ROBO2: variants seen among roughly 807,000 people sequenced by gnomAD.
ROBO2 encodes the protein roundabout homolog 2.
Under a neutral mutation model 160.8 loss-of-function variants are expected in ROBO2, and 53 were observed. The observed-to-expected ratio is 0.33, with a 90% CI of 0.26 to 0.41. ROBO2 has a LOEUF of 0.41. Among genes scored for constraint, ROBO2 ranks in the 10% least tolerant of loss-of-function variants. The pLI is 1.00. For missense variants in ROBO2, 1,577 were observed against 1,722.4 expected (o/e 0.92, Z 1.49); for synonymous variants, 664 against 611.7 (o/e 1.09, Z -1.26).
chr3:77,334,191 A>T (rs2066257545), intron 2 of ROBO2, among the ~76,000 whole-genome samples: 1 of 152,210 alleles, frequency 6.6e-6, no homozygotes, highest in African/African-American at 2.4e-5. Flanking sequence ...TGGATTAGGT[A>T]GTAGCCAAAG....
At chr3:76,099,063 A>G (rs183890996) in intron 2 of ROBO2, among the ~76,000 whole-genome samples, 1 of 152,304 alleles carries the variant, frequency 6.6e-6, no homozygotes, top group Non-Finnish European at 1.5e-5. Context: ...CCAGTAAAGT[A>G]AAATGATATG....
intron 2 of ROBO2, among the ~76,000 whole-genome samples, chr3:77,266,491 C>T (rs1418160739): frequency 6.6e-6 from 1 of 152,102 alleles, no homozygotes; most frequent in African/African-American, 2.4e-5. Context: ...GTTAAAGTAG[C>T]TGAGGAATAG....
At chr3:76,255,434 T>C (rs1706293493) in intron 2 of ROBO2, among the ~76,000 whole-genome samples, 1 of 152,098 alleles carries the variant, frequency 6.6e-6, no homozygotes, top group African/African-American at 2.4e-5. Context: ...TGACACTTGC[T>C]CTGCTCTTTT....
chr3:76,204,314 T>C (rs1702697890), intron 2 of ROBO2, among the ~76,000 whole-genome samples: 1 of 152,208 alleles, frequency 6.6e-6, no homozygotes, highest in Non-Finnish European at 1.5e-5. Flanking sequence ...GTCAAGACTT[T>C]ATTACCGCGA....
intron 2 of ROBO2, among the ~76,000 whole-genome samples, chr3:77,159,612 A>G (rs933473509): frequency 1.3e-4 from 20 of 152,160 alleles, no homozygotes; most frequent in Admixed American, 6.5e-4. Context: ...AAAATAAAAT[A>G]TATCTCTACC....
chr3:77,443,344 T>A (rs1260909062), intron 2 of ROBO2, among the ~76,000 whole-genome samples: 4 of 152,060 alleles, frequency 2.6e-5, no homozygotes, highest in African/African-American at 9.7e-5. Flanking sequence ...AAATTCAGCT[T>A]AACATGGATT....
chr3:77,272,900 A>C (rs1453990065), intron 2 of ROBO2, among the ~76,000 whole-genome samples: 1 of 152,168 alleles, frequency 6.6e-6, no homozygotes, highest in Non-Finnish European at 1.5e-5. Flanking sequence ...TTAATCTTCT[A>C]TTAAGGACTA....
chr3:75,991,433 A>C (rs2065565800), intron 2 of ROBO2, among the ~76,000 whole-genome samples: 1 of 152,088 alleles, frequency 6.6e-6, no homozygotes, highest in Non-Finnish European at 1.5e-5. Flanking sequence ...ATGGTTATAA[A>C]TCATGAGTTC....
At chr3:75,931,925 A>ATATT (rs1947561219) in intron 1 of ROBO2, among the ~76,000 whole-genome samples, 1 of 152,134 alleles carries the variant, frequency 6.6e-6, no homozygotes, top group African/African-American at 2.4e-5. Context: ...CATCTGATAC[A>ATATT]TATTTGTTAA....
chr3:77,613,054 G>C (rs1201233301), intron 21 of ROBO2, among the ~76,000 whole-genome samples: 4 of 152,168 alleles, frequency 2.6e-5, no homozygotes, highest in Non-Finnish European at 5.9e-5. Context: ...ATTAAGCAAT[G>C]TATTTGACTA....
At chr3:76,585,497 T>C (rs2085975939) in intron 2 of ROBO2, among the ~76,000 whole-genome samples, 1 of 152,228 alleles carries the variant, frequency 6.6e-6, no homozygotes, top group Non-Finnish European at 1.5e-5. Flanking sequence ...CCCAGAGTTC[T>C]GATGCAATAG....
At chr3:77,416,194 C>G (rs1366748384) in intron 2 of ROBO2, among the ~76,000 whole-genome samples, 1 of 152,120 alleles carries the variant, frequency 6.6e-6, no homozygotes, top group East Asian at 1.9e-4. Context: ...AAGTGGGTAT[C>G]CCAATGTGTG....
intron 2 of ROBO2, among the ~76,000 whole-genome samples, chr3:76,199,900 C>A (rs1702440267): frequency 6.6e-6 from 1 of 152,138 alleles, no homozygotes; most frequent in South Asian, 2.1e-4. Context: ...CACCTTTGAG[C>A]CTTAGCCAAA....
At chr3:76,443,493 C>T (rs1029515666) in intron 2 of ROBO2, among the ~76,000 whole-genome samples, 1 of 152,054 alleles carries the variant, frequency 6.6e-6, no homozygotes. Context: ...GCTACTACCA[C>T]GACTGCTATT....
intron 2 of ROBO2, among the ~76,000 whole-genome samples, chr3:76,410,265 A>G (rs1200626430): frequency 1.3e-5 from 2 of 152,072 alleles, no homozygotes; most frequent in African/African-American, 4.8e-5. Context: ...TCTGTGATTA[A>G]TCAGATCTTT....
intron 2 of ROBO2, among the ~76,000 whole-genome samples, chr3:76,928,432 G>A (rs1276818058): frequency 6.7e-6 from 1 of 150,258 alleles, no homozygotes; most frequent in Non-Finnish European, 1.5e-5. Flanking sequence ...TGTTGTTTGT[G>A]TGCTACTAAG....
chr3:77,375,350 A>C (rs901163915), intron 2 of ROBO2, among the ~76,000 whole-genome samples: 1 of 152,240 alleles, frequency 6.6e-6, no homozygotes, highest in African/African-American at 2.4e-5. Flanking sequence ...CTGTCGTATC[A>C]TGCAGCTCTC....
At chr3:76,222,409 C>T (rs1415661748) in intron 2 of ROBO2, among the ~76,000 whole-genome samples, 1 of 152,178 alleles carries the variant, frequency 6.6e-6, no homozygotes, top group Non-Finnish European at 1.5e-5. Context: ...GACAAGTGTA[C>T]ATGTTGACCT....
At chr3:77,245,088 G>T (rs1013777283) in intron 2 of ROBO2, among the ~76,000 whole-genome samples, 1 of 151,986 alleles carries the variant, frequency 6.6e-6, no homozygotes, top group African/African-American at 2.4e-5. Flanking sequence ...TTTTGTGCAT[G>T]CTGCATTTTA....
Sources: gnomAD v4.1 joint callset for allele counts (sites outside exome capture counted in the v4.1 genomes callset) on GRCh38, gnomAD v4.1.1 for gene constraint, MANE v1.5 for transcripts, NCBI Gene and HGNC (gene_info 2026-07-23, HGNC 2026-07-21) for gene names.